TBC1D19: variants seen among roughly 807,000 people sequenced by gnomAD.
TBC1D19 encodes TBC1 domain family member 19, also known as TBC1 domain family, member 19.
In TBC1D19, 60 loss-of-function variants were observed where a neutral mutation model predicts 89.0. The ratio of observed to expected loss-of-function variants is 0.67; its 90% CI spans 0.55 to 0.84. The LOEUF is 0.84. Among genes scored for constraint, TBC1D19 ranks in the 40% least tolerant of loss-of-function variants. TBC1D19 has a pLI of 0.00. For missense variants in TBC1D19, 500 were observed against 610.8 expected (o/e 0.82, Z 1.91); for synonymous variants, 189 against 199.7 (o/e 0.95, Z 0.45).
chr4:26,695,978 A>G (rs528180033), intron 13 of TBC1D19, among the ~76,000 whole-genome samples: 1 of 152,246 alleles, frequency 6.6e-6, no homozygotes, highest in Non-Finnish European at 1.5e-5. Flanking sequence ...AGCTAACGTC[A>G]TAATGACAGG....
intron 1 of TBC1D19, among the ~76,000 whole-genome samples, chr4:26,606,843 G>T (rs566342560): frequency 1.4e-4 from 21 of 152,222 alleles, no homozygotes; most frequent in Non-Finnish European, 1.0e-4. Context: ...CCTTTCTGTA[G>T]AACTTCCTAT....
chr4:26,700,066 G>A (rs1481334122), intron 13 of TBC1D19, among the ~76,000 whole-genome samples: 1 of 151,672 alleles, frequency 6.6e-6, no homozygotes, highest in African/African-American at 2.4e-5. Flanking sequence ...AAGAAATTAT[G>A]TCATTCAAAG....
chr4:26,835,718 A>G, the TBC1D19 span, among the ~76,000 whole-genome samples: 3 of 152,044 alleles, frequency 2.0e-5, no homozygotes, highest in African/African-American at 7.2e-5. Context: ...CCTTCACCCT[A>G]TTCTTTGCCC....
rs1718771088 is a variant in TBC1D19 at position 26,748,466 on chromosome 4, G to C, written c.1375G>C (p.Asp459His). The part of the protein sequence containing the change: ...VRAFSGYLAT[D>H]QLLLLWDRIL... ...AGCTTTCTCTGGATACTTAGCTACA[G>C]ATCAGCTCTTGCTTTTATGGGATAG... The change falls in exon 19 of 21, where the codon GAT becomes CAT. Residue 459 changes from aspartate to histidine, a missense_variant. Coordinates refer to ENST00000264866, the MANE Select transcript of TBC1D19 (RefSeq NM_018317.4). The C allele has an allele frequency of 6.2e-7, 1 of 1,613,812 alleles. No individual in the cohort carries two copies. The highest frequency in any genetic ancestry group is 8.5e-7 in the Non-Finnish European group (1 of 1,179,894).
intron 7 of TBC1D19, among the ~76,000 whole-genome samples, chr4:26,645,428 G>T (rs1038443963): frequency 1.3e-5 from 2 of 152,160 alleles, no homozygotes; most frequent in African/African-American, 4.8e-5. Context: ...TTAATAAATG[G>T]TGCTGGGAAA....
chr4:26,704,148 G>A (rs536239483), intron 13 of TBC1D19, among the ~76,000 whole-genome samples: 2 of 151,912 alleles, frequency 1.3e-5, no homozygotes, highest in Non-Finnish European at 2.9e-5. Context: ...TTTTTATTTT[G>A]CATGAAATTC....
chr4:26,822,965 T>A, the TBC1D19 span, among the ~76,000 whole-genome samples: 1 of 152,210 alleles, frequency 6.6e-6, no homozygotes, highest in African/African-American at 2.4e-5. Flanking sequence ...CAGACCAGAC[T>A]GACCCTGCCC....
At chr4:26,638,448 G>A (rs1245067835) in intron 5 of TBC1D19, among the ~76,000 whole-genome samples, 1 of 152,114 alleles carries the variant, frequency 6.6e-6, no homozygotes, top group Non-Finnish European at 1.5e-5. Flanking sequence ...GCTTTTCTGA[G>A]ACTGCTGGAT....
chr4:26,612,154 T>A (rs763840795), intron 1 of TBC1D19, among the ~76,000 whole-genome samples: 1 of 151,684 alleles, frequency 6.6e-6, no homozygotes, highest in Non-Finnish European at 1.5e-5. Context: ...CTGCTTGTAT[T>A]TCTGGGGGAC....
intron 12 of TBC1D19, among the ~76,000 whole-genome samples, chr4:26,685,505 G>C (rs754164173): frequency 3.3e-5 from 5 of 152,162 alleles, no homozygotes; most frequent in African/African-American, 7.2e-5. Flanking sequence ...TGACACATGT[G>C]TGATAACAAA....
intron 18 of TBC1D19, among the ~76,000 whole-genome samples, chr4:26,746,144 C>T (rs1474522906): frequency 6.6e-6 from 1 of 151,622 alleles, no homozygotes; most frequent in Non-Finnish European, 1.5e-5. Context: ...AATCCAGTGG[C>T]ACAAATGTTC....
chr4:26,688,229 T>C lies in TBC1D19; in HGVS notation c.892-116T>C, dbSNP rs190017673. ...AATGATAAAATTTAATTGAGAAGTT[T>C]ATAATCATAAAGTAATAAATTTATT... On this transcript the variant is annotated intron_variant, in intron 12 of 20. Transcript: ENST00000264866. The C allele has an allele frequency of 9.7e-5, 127 of 1,313,852 alleles. 2 individuals are homozygous for C. The East Asian group carries it at 4.2e-3, about 43-fold the overall frequency. 81.4% of individuals were successfully genotyped at this position (1,313,852 alleles called of 1,614,324 possible).
intron 1 of TBC1D19, among the ~76,000 whole-genome samples, chr4:26,593,490 T>G (rs1024119579): frequency 4.1e-4 from 63 of 152,036 alleles, no homozygotes; most frequent in East Asian, 1.9e-3. Flanking sequence ...TTGACAAATG[T>G]GATCTAATTA....
At chr4:26,661,457 C>T (rs1038383427) in intron 8 of TBC1D19, among the ~76,000 whole-genome samples, 20 of 152,116 alleles carry the variant, frequency 1.3e-4, no homozygotes, top group Admixed American at 3.9e-4. Context: ...CTACTGCATT[C>T]TATGCCTGAC....
At chr4:26,852,225 T>A in the TBC1D19 span, among the ~76,000 whole-genome samples, 1 of 152,230 alleles carries the variant, frequency 6.6e-6, no homozygotes, top group East Asian at 1.9e-4. Flanking sequence ...TATCCTTGAC[T>A]TTCTCCTCTC....
At chr4:26,777,167 T>C in the TBC1D19 span, among the ~76,000 whole-genome samples, 2 of 146,742 alleles carry the variant, frequency 1.4e-5, no homozygotes, top group African/African-American at 5.0e-5. Flanking sequence ...GGAGTTTCAC[T>C]CTTGTTGCCC....
At chr4:26,720,682 C>T (rs1268260448) in intron 15 of TBC1D19, among the ~76,000 whole-genome samples, 3 of 151,986 alleles carry the variant, frequency 2.0e-5, no homozygotes, top group African/African-American at 7.2e-5. Context: ...ATATAGCAGT[C>T]CTTATGATAA....
intron 7 of TBC1D19, among the ~76,000 whole-genome samples, chr4:26,652,166 A>C (rs1221280978): frequency 1.3e-5 from 2 of 152,046 alleles, no homozygotes; most frequent in African/African-American, 4.8e-5. Context: ...ATATTGGTCC[A>C]AAATTCTCTT....
chr4:26,850,540 C>CAAAAAAAAAAAAAAAAAAAAAAAAAAA, the TBC1D19 span, among the ~76,000 whole-genome samples: 9 of 90,420 alleles, frequency 1.0e-4, no homozygotes, highest in African/African-American at 2.4e-4. Context: ...GACCCTGTCT[C>CAAAAAAAAAAAAAAAAAAAAAAAAAAA]AAAAAAAAAA....
Sources: gnomAD v4.1 joint callset for allele counts (sites outside exome capture counted in the v4.1 genomes callset) on GRCh38, gnomAD v4.1.1 for gene constraint, MANE v1.5 for transcripts, NCBI Gene and HGNC (gene_info 2026-07-23, HGNC 2026-07-21) for gene names.